Variants in TRPC7 observed in about 807,000 individuals in gnomAD.
TRPC7 encodes the protein short transient receptor potential channel 7.
A neutral mutation model predicts 90.1 loss-of-function variants in TRPC7; 42 were observed. The ratio of observed to expected loss-of-function variants is 0.47; its 90% CI spans 0.36 to 0.60. TRPC7 has a LOEUF of 0.60. TRPC7 is among the 20% of genes least tolerant of loss of function. The pLI is 0.00. For synonymous variants in TRPC7, 451 were observed against 436.3 expected, an observed-to-expected ratio of 1.03 and a Z score of -0.42; for missense variants, 955 against 1,112.3, an observed-to-expected ratio of 0.86 and a Z score of 2.01.
At chr5:136,327,904 A>C (rs2881486) in intron 2 of TRPC7, among the ~76,000 whole-genome samples, 50,200 of 152,056 alleles carry the variant, frequency 0.33, 9,281 homozygotes, top group Admixed American at 0.46. Flanking sequence ...ACATGGCTGA[A>C]TTTTTATTAA....
chr5:136,225,416 T>G (rs938507635), intron 9 of TRPC7, 62 bp from the exon 10 acceptor site: 11 of 1,485,900 alleles, frequency 7.4e-6, no homozygotes, highest in Non-Finnish European at 9.3e-6. Flanking sequence ...TCCCTACATA[T>G]CTCGTAGGAC....
chr5:136,311,297 C>A (rs970960759), intron 3 of TRPC7, among the ~76,000 whole-genome samples: 2 of 152,132 alleles, frequency 1.3e-5, no homozygotes, highest in African/African-American at 4.8e-5. Flanking sequence ...GATGAGGAAG[C>A]AATCTAGAGG....
intron 2 of TRPC7, among the ~76,000 whole-genome samples, chr5:136,349,448 A>G (rs914417547): frequency 6.6e-6 from 1 of 152,158 alleles, no homozygotes; most frequent in Non-Finnish European, 1.5e-5. Flanking sequence ...GTGCTGAGAA[A>G]CAGAGAGATC....
At chr5:136,241,713 G>A (rs528344589) in intron 7 of TRPC7, among the ~76,000 whole-genome samples, 194 of 152,246 alleles carry the variant, frequency 1.3e-3, no homozygotes, top group Non-Finnish European at 2.1e-3. Flanking sequence ...GAGCCACCAC[G>A]CCCAGCTAAT....
At chr5:136,262,737 A>G (rs910957503) in intron 5 of TRPC7, among the ~76,000 whole-genome samples, 1 of 152,344 alleles carries the variant, frequency 6.6e-6, no homozygotes, top group African/African-American at 2.4e-5. Context: ...ATTTTTAGGC[A>G]TTGGAAATAG....
chr5:136,262,531 A>G (rs1199046249), intron 5 of TRPC7, among the ~76,000 whole-genome samples: 3 of 152,224 alleles, frequency 2.0e-5, no homozygotes, highest in Admixed American at 2.0e-4. Flanking sequence ...ATATTTATTC[A>G]ACTTACGTCT....
intron 8 of TRPC7, among the ~76,000 whole-genome samples, chr5:136,228,436 C>T (rs1580840378): frequency 1.4e-5 from 2 of 140,596 alleles, no homozygotes; most frequent in Admixed American, 7.1e-5. Flanking sequence ...TTTATAGTTC[C>T]TTTTTTTTTT....
intron 2 of TRPC7, among the ~76,000 whole-genome samples, chr5:136,339,971 A>AG (rs1469679121): frequency 6.6e-6 from 1 of 152,138 alleles, no homozygotes; most frequent in Non-Finnish European, 1.5e-5. Context: ...GCATTAAAAA[A>AG]ATAACCTTTG....
chr5:136,315,740 C>G lies in TRPC7; in HGVS notation c.820G>C (p.Val274Leu), dbSNP rs1758996918. 2 of 1,614,060 alleles carry G rather than the reference C, an allele frequency of 1.2e-6. No homozygotes were observed. Among genetic ancestry groups the G allele is most frequent in the Admixed American group, 3.3e-5 (2 of 60,010 alleles). ...CGGCACAGGTCCAGCACGCCCACTA[C>G]AAAATCCTTGCATTGCATAGATAAC... The part of the protein sequence containing the change: ...RKLSMQCKDF[V>L]VGVLDLCRDT... The change falls in exon 3 of 12, where the codon GTA becomes CTA. Residue 274 changes from valine (V) to leucine (L), a missense_variant. By Grantham distance (32) the Val-to-Leu change is conservative (BLOSUM62 1). Transcript: ENST00000513104.
intron 3 of TRPC7, among the ~76,000 whole-genome samples, chr5:136,304,892 C>A (rs1211622163): frequency 1.3e-5 from 2 of 152,222 alleles, no homozygotes; most frequent in Non-Finnish European, 2.9e-5. Context: ...CAGGACCGTA[C>A]CCTGTAGCCT....
At chr5:136,326,213 A>G (rs4976368) in intron 2 of TRPC7, among the ~76,000 whole-genome samples, 104,552 of 152,170 alleles carry the variant, frequency 0.69, 36,236 homozygotes, top group African/African-American at 0.77. Context: ...TCATTACCGT[A>G]TTTCTTTCCT....
At chr5:136,258,277 G>A (rs1400602829) in intron 5 of TRPC7, among the ~76,000 whole-genome samples, 1 of 152,148 alleles carries the variant, frequency 6.6e-6, no homozygotes, top group African/African-American at 2.4e-5. Flanking sequence ...GGGCCCAAGG[G>A]TTTGGGCAGC....
chr5:136,289,853 G>A (rs1000760485), intron 3 of TRPC7, among the ~76,000 whole-genome samples: 1 of 152,228 alleles, frequency 6.6e-6, no homozygotes, highest in Non-Finnish European at 1.5e-5. Context: ...CCTCAAGTGG[G>A]TCCCTAACCC....
At chr5:136,350,735 C>G (rs559308617) in intron 2 of TRPC7, among the ~76,000 whole-genome samples, 3 of 152,324 alleles carry the variant, frequency 2.0e-5, no homozygotes, top group African/African-American at 7.2e-5. Context: ...GAAAGGCATG[C>G]ACACTTTGAC....
At chr5:136,245,730 G>A (rs569916666) in intron 7 of TRPC7, among the ~76,000 whole-genome samples, 1 of 152,290 alleles carries the variant, frequency 6.6e-6, no homozygotes, top group East Asian at 1.9e-4. Flanking sequence ...AGAAGTTCTG[G>A]AACTGAGTGG....
At chr5:136,286,087 CA>C (rs1419572692) in intron 3 of TRPC7, among the ~76,000 whole-genome samples, 1 of 152,232 alleles carries the variant, frequency 6.6e-6, no homozygotes, top group Non-Finnish European at 1.5e-5. Context: ...GTGTCCAGTA[CA>C]TAGTATAATT....
chr5:136,304,225 C>G (rs1447010204), intron 3 of TRPC7, among the ~76,000 whole-genome samples: 2 of 149,998 alleles, frequency 1.3e-5, no homozygotes, highest in Admixed American at 6.6e-5. Flanking sequence ...ACCTCTACTC[C>G]CTCCTTGGGG....
intron 2 of TRPC7, among the ~76,000 whole-genome samples, chr5:136,322,015 C>A (rs1463638959): frequency 6.6e-6 from 1 of 151,588 alleles, no homozygotes; most frequent in Non-Finnish European, 1.5e-5. Flanking sequence ...TATTCCTGTA[C>A]AAGATTTTTT....
At position 136,251,668 on chromosome 5, in the gene TRPC7, T is replaced by C. The variant is rs756425147; in HGVS notation, c.1560A>G (p.Glu520=). The change falls in exon 6 of 12, where the codon GAA becomes GAG. Residue 520 remains glutamate (E), a synonymous_variant. Transcript: ENST00000513104. The part of the protein sequence containing the change: ...DTLHNVSLPP[E]VAYFTYARDK... ...ACTCACCGTAGGTGAAGTATGCCAC[T>C]TCCGGCGGAAGCGAGACATTGTGCA... 6.2e-7 allele frequency: 1 copy of C among 1,608,830 alleles called. No individual in the cohort carries two copies. Among genetic ancestry groups the C allele is most frequent in the East Asian group, 2.2e-5 (1 of 44,638 alleles).
Sources: gnomAD v4.1 joint callset for allele counts (sites outside exome capture counted in the v4.1 genomes callset) on GRCh38, gnomAD v4.1.1 for gene constraint, MANE v1.5 for transcripts, NCBI Gene and HGNC (gene_info 2026-07-23, HGNC 2026-07-21) for gene names.